The following HIPK2 variants were observed in gnomAD, a reference collection of about 807,000 sequenced individuals.
HIPK2 encodes the protein homeodomain interacting protein kinase 2, also known as homeodomain-interacting protein kinase 2.
In HIPK2, 27 loss-of-function variants were observed where a neutral mutation model predicts 113.7. The observed-to-expected ratio is 0.24, with a 90% CI of 0.17 to 0.33. The LOEUF (loss-of-function observed/expected upper bound fraction) is 0.33. Ranked by LOEUF, HIPK2 falls within the 10% of genes least tolerant of loss-of-function variation. HIPK2 has a pLI of 1.00. For synonymous variants in HIPK2, 631 were observed against 642.2 expected (o/e 0.98, Z 0.26); for missense variants, 1,257 against 1,588.0 (o/e 0.79, Z 3.54).
intron 9 of HIPK2, among the ~76,000 whole-genome samples, chr7:139,611,812 G>A (rs1381206999): frequency 6.6e-6 from 1 of 152,140 alleles, no homozygotes; most frequent in African/African-American, 2.4e-5. Flanking sequence ...CTGAGTAGCT[G>A]AGACTACAGG....
In HIPK2 at chr7:139,673,166, A is replaced by T. The variant is rs567167073; in HGVS notation, c.1104-41441T>A. The stretch of plus-strand genomic sequence containing the variant: ...GGCCACTAAATTGTATTTGAAACCA[A>T]AAGAAGTGACCCATCTGCTCTGGGG... On this transcript the variant is annotated intron_variant, in intron 2 of 14. Transcript: ENST00000406875. Among the ~76,000 whole-genome samples the T allele has an allele frequency of 2.0e-5, 3 of 151,864 alleles. No individual in the cohort carries two copies. The South Asian group carries it at 6.2e-4, about 32-fold the overall frequency.
intron 1 of HIPK2, among the ~76,000 whole-genome samples, chr7:139,755,507 C>T (rs969413303): frequency 6.6e-6 from 1 of 152,278 alleles, no homozygotes; most frequent in Non-Finnish European, 1.5e-5. Flanking sequence ...CCATCCTACT[C>T]TCTCTGAAGA....
At chr7:139,627,159 C>T (rs1218636863) in intron 5 of HIPK2, among the ~76,000 whole-genome samples, 1 of 152,196 alleles carries the variant, frequency 6.6e-6, no homozygotes, top group East Asian at 1.9e-4. Flanking sequence ...AGACTGGTTG[C>T]ATAACAATGG....
At chr7:139,720,221 T>C (rs1222277597) in intron 1 of HIPK2, among the ~76,000 whole-genome samples, 1 of 152,238 alleles carries the variant, frequency 6.6e-6, no homozygotes, top group Non-Finnish European at 1.5e-5. Flanking sequence ...ATTCCTTCTC[T>C]TTCCAGACCA....
At chr7:139,741,016 A>G (rs1796084589) in intron 1 of HIPK2, among the ~76,000 whole-genome samples, 2 of 152,132 alleles carry the variant, frequency 1.3e-5, no homozygotes, top group Non-Finnish European at 2.9e-5. Context: ...ACATGGTGGC[A>G]GGTGCCTGTC....
At chr7:139,660,885 G>C (rs1801844763) in intron 2 of HIPK2, among the ~76,000 whole-genome samples, 1 of 152,144 alleles carries the variant, frequency 6.6e-6, no homozygotes, top group African/African-American at 2.4e-5. Context: ...CACAAAAGGG[G>C]AGCTACGCAC....
At chr7:139,650,913 C>T (rs77977968) in intron 2 of HIPK2, among the ~76,000 whole-genome samples, 8,564 of 152,306 alleles carry the variant, frequency 0.056, 295 homozygotes, top group Non-Finnish European at 0.073. Context: ...AAGAGCTCAC[C>T]GCCACCTCAT....
At chr7:139,659,900 A>G (rs1231103448) in intron 2 of HIPK2, among the ~76,000 whole-genome samples, 1 of 152,248 alleles carries the variant, frequency 6.6e-6, no homozygotes, top group East Asian at 1.9e-4. Flanking sequence ...AGTCTCTTCA[A>G]AAACAGACCT....
chr7:139,646,422 C>G (rs933239611), intron 2 of HIPK2, among the ~76,000 whole-genome samples: 1 of 150,574 alleles, frequency 6.6e-6, no homozygotes, highest in Non-Finnish European at 1.5e-5. Flanking sequence ...ATGGCATAAG[C>G]CTGGGAAGTC....
intron 2 of HIPK2, among the ~76,000 whole-genome samples, chr7:139,634,681 T>TTTGTTTG (rs1554433847): frequency 2.8e-5 from 4 of 142,902 alleles, no homozygotes; most frequent in African/African-American, 1.1e-4. Context: ...CAGGTTTTTT[T>TTTGTTTG]TTTTTTTTTT....
intron 1 of HIPK2, among the ~76,000 whole-genome samples, chr7:139,767,948 T>C (rs531591288): frequency 3.9e-5 from 6 of 152,324 alleles, no homozygotes; most frequent in African/African-American, 1.4e-4. Context: ...CCCACCCTCT[T>C]CTTCAAGACC....
At chr7:139,742,300 C>G (rs1796116030) in intron 1 of HIPK2, among the ~76,000 whole-genome samples, 1 of 152,102 alleles carries the variant, frequency 6.6e-6, no homozygotes, top group South Asian at 2.1e-4. Flanking sequence ...GGCTGAGTGT[C>G]CTGTGAGGTG....
chr7:139,738,964 T>C (rs1341462307), intron 1 of HIPK2, among the ~76,000 whole-genome samples: 2 of 152,120 alleles, frequency 1.3e-5, no homozygotes, highest in African/African-American at 4.8e-5. Context: ...TGAACACTGC[T>C]CCTCCACACC....
At chr7:139,654,733 G>C (rs1801596062) in intron 2 of HIPK2, among the ~76,000 whole-genome samples, 1 of 152,088 alleles carries the variant, frequency 6.6e-6, no homozygotes, top group Non-Finnish European at 1.5e-5. Context: ...GCGCAACATG[G>C]ACGCTCACGA....
At chr7:139,653,303 C>T (rs766951796) in intron 2 of HIPK2, among the ~76,000 whole-genome samples, 14 of 152,052 alleles carry the variant, frequency 9.2e-5, no homozygotes, top group Non-Finnish European at 1.8e-4. Context: ...GGCAGGACAA[C>T]AGCTGCTCTT....
intron 2 of HIPK2, among the ~76,000 whole-genome samples, chr7:139,669,544 G>C (rs1412255989): frequency 6.6e-6 from 1 of 151,772 alleles, no homozygotes; most frequent in Non-Finnish European, 1.5e-5. Flanking sequence ...TTCTTACACG[G>C]ATGGTATCTG....
At position 139,631,503 on chromosome 7, in the gene HIPK2, A is replaced by G. The variant is rs943672317; in HGVS notation, c.1227+99T>C. 1 of 1,517,936 alleles carries G rather than the reference A, an allele frequency of 6.6e-7. No homozygotes were observed. Among genetic ancestry groups the G allele is most frequent in the Non-Finnish European group, 8.8e-7 (1 of 1,131,856 alleles). 94.0% of individuals were successfully genotyped at this position (1,517,936 alleles called of 1,614,324 possible). A position where few individuals can be genotyped will look rare whatever the true frequency, so the allele number is the denominator to read the frequency against. Reference sequence around the variant, plus strand: ...TTTGGGAGACAACGTGACATTCCACAGTCCCGCCCATTTGTCATGTAATCA... The same window carrying G: ...TTTGGGAGACAACGTGACATTCCACGGTCCCGCCCATTTGTCATGTAATCA... On this transcript the variant is annotated intron_variant, in intron 3 of 14. Coordinates refer to ENST00000406875, the MANE Select transcript of HIPK2 (RefSeq NM_022740.5). This position sits in a 1 kb window ranked among gnomAD's most constrained non-coding sequence, Gnocchi z 4.9.
chr7:139,590,331 AT>A (rs1421744142), intron 12 of HIPK2, among the ~76,000 whole-genome samples: 1 of 152,214 alleles, frequency 6.6e-6, no homozygotes, highest in Non-Finnish European at 1.5e-5. Context: ...AATTTTCATC[AT>A]TTCAAAATGA....
chr7:139,583,206 A>T (rs753846884), intron 13 of HIPK2, among the ~76,000 whole-genome samples: 1 of 152,234 alleles, frequency 6.6e-6, no homozygotes, highest in Admixed American at 6.5e-5. Flanking sequence ...ACAGTGAGCC[A>T]CTGAGTTTAT....
Sources: gnomAD v4.1 joint callset for allele counts (sites outside exome capture counted in the v4.1 genomes callset) on GRCh38, gnomAD v4.1.1 for gene constraint, Gnocchi (gnomAD v3.1) non-coding constraint, MANE v1.5 for transcripts, NCBI Gene and HGNC (gene_info 2026-07-23, HGNC 2026-07-21) for gene names.